The following DPP6 variants were observed in gnomAD, a reference collection of about 807,000 sequenced individuals.
The protein encoded by DPP6 is dipeptidyl peptidase like 6.
DPP6 carries 69 observed loss-of-function variants against 122.6 expected under a neutral mutation model. The observed-to-expected ratio is 0.56, with a 90% CI of 0.46 to 0.69. The LOEUF (loss-of-function observed/expected upper bound fraction) is 0.69. Ranked by LOEUF, DPP6 falls within the 30% of genes least tolerant of loss-of-function variation. The pLI is 0.00. For synonymous variants in DPP6, 418 were observed against 433.1 expected, an observed-to-expected ratio of 0.97 and a Z score of 0.43; for missense variants, 928 against 1,116.9, an observed-to-expected ratio of 0.83 and a Z score of 2.41.
chr7:154,574,585 ATG>A (rs1279778028), intron 5 of DPP6, among the ~76,000 whole-genome samples: 88 of 87,956 alleles, frequency 1.0e-3, no homozygotes, highest in Admixed American at 2.0e-3. Flanking sequence ...GTGTGTGTGT[ATG>A]TGTGTGGGAG....
intron 1 of DPP6, among the ~76,000 whole-genome samples, chr7:154,427,398 T>C (rs933507678): frequency 6.6e-6 from 1 of 152,236 alleles, no homozygotes. Context: ...CTGTAGGCTT[T>C]CTTTTTCCTT....
At chr7:153,956,432 A>G (rs1227814651) in intron 1 of DPP6, among the ~76,000 whole-genome samples, 1 of 152,216 alleles carries the variant, frequency 6.6e-6, no homozygotes, top group African/African-American at 2.4e-5. Flanking sequence ...GACGAGCATC[A>G]TGATAGCATC....
chr7:153,879,533 G>A, the DPP6 span, among the ~76,000 whole-genome samples: 2 of 152,066 alleles, frequency 1.3e-5, no homozygotes, highest in African/African-American at 4.8e-5. Context: ...GGGACTGCAG[G>A]TGCACGCCAC....
chr7:153,890,961 G>T (rs1199841801), intron 1 of DPP6, among the ~76,000 whole-genome samples: 2 of 147,614 alleles, frequency 1.4e-5, no homozygotes, highest in African/African-American at 5.0e-5. Context: ...GCCTCCCAAA[G>T]TGCTGGGATT....
intron 1 of DPP6, among the ~76,000 whole-genome samples, chr7:154,034,537 G>T (rs1339081066): frequency 6.6e-6 from 1 of 152,112 alleles, no homozygotes; most frequent in Non-Finnish European, 1.5e-5. Flanking sequence ...TCCTTTGTGT[G>T]TGTGTATGTG....
At chr7:154,444,161 A>C (rs1387682804) in intron 1 of DPP6, among the ~76,000 whole-genome samples, 1 of 152,208 alleles carries the variant, frequency 6.6e-6, no homozygotes, top group African/African-American at 2.4e-5. Flanking sequence ...ATAGAAAACA[A>C]TATGAAAAAG....
intron 1 of DPP6, among the ~76,000 whole-genome samples, chr7:154,174,898 A>T (rs570397097): frequency 1.2e-4 from 17 of 136,480 alleles, no homozygotes; most frequent in Admixed American, 3.8e-4. Context: ...TTGTTTTGAG[A>T]TGGAGTCTCA....
intron 1 of DPP6, among the ~76,000 whole-genome samples, chr7:154,104,684 T>A (rs886184822): frequency 6.6e-6 from 1 of 152,280 alleles, no homozygotes; most frequent in Non-Finnish European, 1.5e-5. Context: ...AAACAGCCAA[T>A]GTAAGATCAG....
In DPP6 at chr7:154,863,179, G is replaced by A. The variant is rs1480326337; in HGVS notation, c.1715-4816G>A. ...GGCCTCCCAAAGCATTGGGATTACAGACGTGAGCCACCGCACCCGAACCCT... is the reference window on the plus strand; with the variant it reads ...GGCCTCCCAAAGCATTGGGATTACAAACGTGAGCCACCGCACCCGAACCCT... On this transcript the variant is annotated intron_variant, in intron 17 of 25. Coordinates refer to ENST00000377770, the MANE Select transcript of DPP6 (RefSeq NM_130797.4). This position sits in a 1 kb window ranked among gnomAD's most constrained non-coding sequence, Gnocchi z 4.1. 6.6e-6 allele frequency among the ~76,000 whole-genome samples: 1 copy of A among 152,116 alleles called. No individual in the cohort carries two copies. The highest frequency in any genetic ancestry group is 2.1e-4 in the South Asian group (1 of 4,826).
intron 1 of DPP6, among the ~76,000 whole-genome samples, chr7:153,914,241 T>C (rs903611986): frequency 2.0e-5 from 3 of 152,184 alleles, no homozygotes; most frequent in Admixed American, 2.0e-4. Flanking sequence ...GACGTGCCTT[T>C]TGCCTTCTGC....
At chr7:154,460,472 A>G (rs2151316000) in intron 2 of DPP6, among the ~76,000 whole-genome samples, 1 of 152,284 alleles carries the variant, frequency 6.6e-6, no homozygotes, top group East Asian at 1.9e-4. Context: ...TTTTTCATGT[A>G]TAAATTTCTT....
chr7:154,820,875 A>G (rs1212573143), intron 16 of DPP6, among the ~76,000 whole-genome samples: 1 of 152,244 alleles, frequency 6.6e-6, no homozygotes, highest in Non-Finnish European at 1.5e-5. Context: ...CTAACGATAC[A>G]TACCTCCTAA....
At chr7:154,031,861 GTTTTT>G (rs570904091) in intron 1 of DPP6, among the ~76,000 whole-genome samples, 89 of 120,338 alleles carry the variant, frequency 7.4e-4, no homozygotes, top group African/African-American at 2.7e-3. Context: ...CCTTTTTTTT[GTTTTT>G]TTTTTTTTTT....
intron 1 of DPP6, among the ~76,000 whole-genome samples, chr7:154,402,392 T>C (rs1278427318): frequency 5.4e-5 from 8 of 147,714 alleles, no homozygotes; most frequent in Non-Finnish European, 9.0e-5. Context: ...ATGTGGCACA[T>C]ATACACCATG....
At chr7:154,215,640 G>A (rs1479856675) in intron 1 of DPP6, among the ~76,000 whole-genome samples, 6 of 152,158 alleles carry the variant, frequency 3.9e-5, no homozygotes, top group Non-Finnish European at 5.9e-5. Context: ...ATGCAAAAGT[G>A]TGGTGTCTGG....
At chr7:154,062,008 C>T (rs1802028170) in intron 1 of DPP6, among the ~76,000 whole-genome samples, 1 of 120,136 alleles carries the variant, frequency 8.3e-6, no homozygotes, top group African/African-American at 3.1e-5. Context: ...TTGGTACCCC[C>T]ATCGCAGGGG....
intron 1 of DPP6, among the ~76,000 whole-genome samples, chr7:154,072,725 A>T (rs865965118): frequency 6.6e-6 from 1 of 152,242 alleles, no homozygotes; most frequent in South Asian, 2.1e-4. Flanking sequence ...ATAGCCTGGA[A>T]CCTGTGCCCG....
At chr7:153,814,190 A>G in the DPP6 span, among the ~76,000 whole-genome samples, 1 of 152,096 alleles carries the variant, frequency 6.6e-6, no homozygotes, top group African/African-American at 2.4e-5. Context: ...AAGGACCAAC[A>G]AAATTGATAG....
intron 1 of DPP6, among the ~76,000 whole-genome samples, chr7:153,918,969 ACT>A (rs1222092526): frequency 8.3e-4 from 89 of 106,900 alleles, no homozygotes; most frequent in Non-Finnish European, 1.1e-3. Context: ...ACAGAGCAAG[ACT>A]CTGTCTCAAA....
Sources: allele counts gnomAD v4.1 joint callset (sites outside exome capture counted in the v4.1 genomes callset), GRCh38; gene constraint gnomAD v4.1.1; non-coding constraint Gnocchi (gnomAD v3.1); transcripts MANE v1.5; gene names NCBI Gene and HGNC (gene_info 2026-07-23, HGNC 2026-07-21).